ADAM32: variants seen among roughly 807,000 people sequenced by gnomAD.
ADAM32 encodes the protein ADAM metallopeptidase domain 32.
Under a neutral mutation model 114.9 loss-of-function variants are expected in ADAM32, and 89 were observed. That is an observed-to-expected ratio of 0.77 (90% CI 0.65 to 0.92). The LOEUF (loss-of-function observed/expected upper bound fraction) is 0.92, where lower values mean the gene tolerates loss of function less well. Ranked by LOEUF, ADAM32 falls within the 40% of genes least tolerant of loss-of-function variation. The pLI is 0.00. For missense variants in ADAM32, 870 were observed against 932.8 expected, an observed-to-expected ratio of 0.93 and a Z score of 0.88; for synonymous variants, 285 against 307.5, an observed-to-expected ratio of 0.93 and a Z score of 0.77.
intron 2 of ADAM32, chr8:39,130,240 C>G (rs1169053062): frequency 2.0e-5 from 3 of 153,410 alleles, no homozygotes; most frequent in African/African-American, 7.2e-5. Flanking sequence ...TTCTAAGGGA[C>G]AGTAGAGAAG....
At chr8:39,180,679 T>G (rs968636555) in intron 10 of ADAM32, among the ~76,000 whole-genome samples, 2 of 152,208 alleles carry the variant, frequency 1.3e-5, no homozygotes, top group Non-Finnish European at 2.9e-5. Flanking sequence ...GCTCAAGGTT[T>G]GTAAACACAC....
intron 10 of ADAM32, among the ~76,000 whole-genome samples, chr8:39,173,204 G>A (rs757214171): frequency 1.4e-4 from 22 of 152,230 alleles, no homozygotes; most frequent in South Asian, 4.1e-4. Flanking sequence ...GTTGCAGTAA[G>A]CCGAGATCGT....
In ADAM32 at chr8:39,108,055, G is replaced by T. The variant is rs1311943840; in HGVS notation, c.58+222G>T. 3 of 521,920 alleles carry T rather than the reference G, an allele frequency of 5.7e-6. No homozygotes were observed. In the African/African-American group the frequency reaches 5.9e-5, roughly 10 times the overall value. 32.3% of individuals were successfully genotyped at this position (521,920 alleles called of 1,614,324 possible). A position where few individuals can be genotyped will look rare whatever the true frequency, so the allele number is the denominator to read the frequency against. ...TCCCAGGGCTTTGAGAGACTGAGGCGAGCTGATTGTTTGACCTCGGAGTTG... is the reference window on the plus strand; with the variant it reads ...TCCCAGGGCTTTGAGAGACTGAGGCTAGCTGATTGTTTGACCTCGGAGTTG... On this transcript the variant is annotated intron_variant, in intron 1 of 24. Coordinates refer to ENST00000379907, the MANE Select transcript of ADAM32 (RefSeq NM_145004.7).
upstream of ADAM32, chr8:39,107,570 G>A (rs757136416): frequency 2.3e-5 from 32 of 1,373,666 alleles, no homozygotes; most frequent in Middle Eastern, 2.6e-4. Flanking sequence ...GCCGGGAAGG[G>A]AGCTGGATGT....
chr8:39,117,636 T>C (rs894544688), intron 1 of ADAM32, among the ~76,000 whole-genome samples: 2 of 152,086 alleles, frequency 1.3e-5, no homozygotes, highest in South Asian at 2.1e-4. Flanking sequence ...TCTCCCCTTA[T>C]ACATAACATG....
chr8:39,211,375 A>G (rs973375239), intron 12 of ADAM32, 51 bp downstream of exon 12: 3 of 1,386,728 alleles, frequency 2.2e-6, no homozygotes, highest in Admixed American at 3.4e-5. Context: ...GTTTTAATTT[A>G]TCTTTTTCAT....
intron 16 of ADAM32, among the ~76,000 whole-genome samples, chr8:39,244,368 T>G (rs1585630231): frequency 6.6e-6 from 1 of 152,260 alleles, no homozygotes; most frequent in Middle Eastern, 3.4e-3. Context: ...AAAACAAATC[T>G]GGAAGCATCA....
At chr8:39,141,365 G>A (rs1803143185) in intron 3 of ADAM32, among the ~76,000 whole-genome samples, 1 of 152,156 alleles carries the variant, frequency 6.6e-6, no homozygotes, top group Non-Finnish European at 1.5e-5. Context: ...CTTTAAATGT[G>A]TTCCAGAGAT....
intron 11 of ADAM32, among the ~76,000 whole-genome samples, chr8:39,191,277 C>T (rs1806587936): frequency 6.6e-6 from 1 of 152,114 alleles, no homozygotes; most frequent in South Asian, 2.1e-4. Context: ...CCAGTAGTCA[C>T]ATTGCTGGGT....
intron 19 of ADAM32, among the ~76,000 whole-genome samples, chr8:39,259,538 C>A (rs1811884584): frequency 6.6e-6 from 1 of 151,830 alleles, no homozygotes; most frequent in African/African-American, 2.4e-5. Context: ...TATATAATGT[C>A]TAAATTTAAT....
At chr8:39,227,192 C>G (rs966069914) in intron 14 of ADAM32, among the ~76,000 whole-genome samples, 1 of 152,194 alleles carries the variant, frequency 6.6e-6, no homozygotes. Flanking sequence ...AGTGCCCCAA[C>G]TGTGGAAGTG....
At chr8:39,207,357 T>C (rs1807912980) in intron 11 of ADAM32, among the ~76,000 whole-genome samples, 1 of 152,216 alleles carries the variant, frequency 6.6e-6, no homozygotes, top group African/African-American at 2.4e-5. Context: ...TTTTGATAAT[T>C]TGATTTATAT....
Position 39,165,879 on chromosome 8 carries a change from A to T in ADAM32, c.833+683A>T, listed in dbSNP as rs544727187. The T allele has an allele frequency of 6.6e-5, 10 of 152,014 alleles. No homozygotes were observed. In the South Asian group the frequency reaches 1.9e-3, roughly 28 times the overall value. 9.4% of individuals were successfully genotyped at this position (152,014 alleles called of 1,614,324 possible). Reference sequence around the variant, plus strand: ...AGTCTGATGGATATAACTTAATGTCATTGTCATTTTAATTTGCTTTTTTTC... The same window carrying T: ...AGTCTGATGGATATAACTTAATGTCTTTGTCATTTTAATTTGCTTTTTTTC... On this transcript the variant is annotated intron_variant, in intron 9 of 24. Transcript: ENST00000379907.
chr8:39,247,367 G>C (rs947656365), intron 17 of ADAM32, among the ~76,000 whole-genome samples: 3 of 152,090 alleles, frequency 2.0e-5, no homozygotes, highest in African/African-American at 7.2e-5. Flanking sequence ...AACATTTTTT[G>C]TTGTCAGTGT....
At chr8:39,190,998 T>C (rs895875785) in intron 11 of ADAM32, among the ~76,000 whole-genome samples, 4 of 152,184 alleles carry the variant, frequency 2.6e-5, no homozygotes, top group African/African-American at 7.2e-5. Flanking sequence ...CTCCCAAATA[T>C]GTGGTATTTA....
intron 19 of ADAM32, among the ~76,000 whole-genome samples, chr8:39,267,538 T>C (rs1011757133): frequency 3.3e-5 from 5 of 152,188 alleles, no homozygotes; most frequent in African/African-American, 1.2e-4. Context: ...TAAATGAAGC[T>C]GTTGTGAACC....
chr8:39,227,301 C>T (rs1809446624), intron 14 of ADAM32, among the ~76,000 whole-genome samples: 1 of 152,144 alleles, frequency 6.6e-6, no homozygotes, highest in African/African-American at 2.4e-5. Flanking sequence ...TTACCTGGAG[C>T]TGAGTCAATT....
At chr8:39,228,620 CAA>C (rs1314381872) in intron 14 of ADAM32, among the ~76,000 whole-genome samples, 1 of 152,004 alleles carries the variant, frequency 6.6e-6, no homozygotes, top group Non-Finnish European at 1.5e-5. Context: ...TAACCTAATC[CAA>C]CAAAGACAAG....
chr8:39,242,790 C>T (rs576058997), intron 16 of ADAM32, among the ~76,000 whole-genome samples: 4 of 152,048 alleles, frequency 2.6e-5, no homozygotes, highest in Non-Finnish European at 5.9e-5. Context: ...TAACAAAGAT[C>T]AGAGCAGAAG....
Sources: gnomAD v4.1 joint callset for allele counts (sites outside exome capture counted in the v4.1 genomes callset) on GRCh38, gnomAD v4.1.1 for gene constraint, MANE v1.5 for transcripts, NCBI Gene and HGNC (gene_info 2026-07-23, HGNC 2026-07-21) for gene names.